The following ZFHX3 variants were observed in gnomAD, a reference collection of about 807,000 sequenced individuals.
ZFHX3 encodes the protein zinc finger homeobox 3, also known as zinc finger homeobox protein 3.
Under a neutral mutation model 279.1 loss-of-function variants are expected in ZFHX3, and 42 were observed. The ratio of observed to expected loss-of-function variants is 0.15; its 90% confidence interval spans 0.12 to 0.19. The LOEUF (loss-of-function observed/expected upper bound fraction) is 0.19. Ranked by LOEUF, ZFHX3 falls within the 10% of genes least tolerant of loss-of-function variation. ZFHX3 has a pLI of 1.00. For synonymous variants in ZFHX3, 2,293 were observed against 1,957.8 expected (o/e 1.17, Z -4.52); for missense variants, 4,981 against 4,754.0 (o/e 1.05, Z -1.40).
intron 5 of ZFHX3, among the ~76,000 whole-genome samples, chr16:73,219,120 G>A (rs1420788621): frequency 1.3e-5 from 2 of 152,182 alleles, no homozygotes; most frequent in Non-Finnish European, 2.9e-5. Flanking sequence ...GCATGTATCA[G>A]AACTTCATAT....
At chr16:73,729,967 T>C (rs1405251007) in intron 1 of ZFHX3, among the ~76,000 whole-genome samples, 1 of 152,162 alleles carries the variant, frequency 6.6e-6, no homozygotes, top group African/African-American at 2.4e-5. Context: ...TCAAGTTTGA[T>C]CATATCAAAC....
At chr16:73,852,213 C>A (rs1357326668) in intron 1 of ZFHX3, among the ~76,000 whole-genome samples, 1 of 152,172 alleles carries the variant, frequency 6.6e-6, no homozygotes, top group East Asian at 1.9e-4. Flanking sequence ...CTATTGTTCA[C>A]CATGCCAGAA....
At chr16:73,619,569 C>CA (rs2052338508) in intron 2 of ZFHX3, among the ~76,000 whole-genome samples, 1 of 151,398 alleles carries the variant, frequency 6.6e-6, no homozygotes, top group Non-Finnish European at 1.5e-5. Flanking sequence ...TTTTTGAACT[C>CA]AGAGAGTCAA....
intron 5 of ZFHX3, among the ~76,000 whole-genome samples, chr16:73,160,783 T>C (rs4788707): frequency 0.13 from 19,921 of 150,404 alleles, 1,352 homozygotes; most frequent in Admixed American, 0.18. Context: ...TTTTTTTTTT[T>C]TTTTTTTTAG....
Position 72,960,014 on chromosome 16 carries a change from G to A in ZFHX3, c.132C>T (p.Gly44=), listed in dbSNP as rs201786933. The A allele has an allele frequency of 5.4e-5, 87 of 1,613,974 alleles. No individual in the cohort carries two copies. Among genetic ancestry groups the A allele is most frequent in the East Asian group, 2.2e-4 (10 of 44,858 alleles). The change falls in exon 2 of 10, where the codon GGC becomes GGT. Residue 44 remains glycine (G), a synonymous_variant. Transcript: ENST00000268489. ...DKPSSMEQST[G]ESHGPLDSLR... ...GGCTGTCCAAGGGCCCGTGGCTCTC[G>A]CCTGTGGACTGCTCCATGCTACTGG...
chr16:73,755,737 T>A (rs995372339), intron 1 of ZFHX3, among the ~76,000 whole-genome samples: 1 of 152,214 alleles, frequency 6.6e-6, no homozygotes, highest in African/African-American at 2.4e-5. Context: ...GGGGCTCAGC[T>A]GCTTATCAAA....
At position 73,512,023 on chromosome 16, in the gene ZFHX3, G is replaced by C. The variant is rs577498040; in HGVS notation, c.-1546-55765C>G. On this transcript the variant is annotated intron_variant, in intron 2 of 17. Coordinates refer to the ZFHX3 transcript ENST00000641206. ...TTTCACTGCCTGCAACCCGATACCA[G>C]GGTTAGATCTCAGGACGACTCAAGT... 7.2e-5 allele frequency among the ~76,000 whole-genome samples: 11 copies of C among 152,200 alleles called. No individual in the cohort carries two copies. The East Asian group carries it at 2.1e-3, about 29-fold the overall frequency.
At chr16:72,936,619 T>A (rs988336376) in intron 3 of ZFHX3, among the ~76,000 whole-genome samples, 2 of 152,094 alleles carry the variant, frequency 1.3e-5, no homozygotes, top group Non-Finnish European at 2.9e-5. Flanking sequence ...GCTTAGCATG[T>A]TGAATGAACA....
intron 4 of ZFHX3, among the ~76,000 whole-genome samples, chr16:72,835,567 T>C (rs569799525): frequency 2.6e-5 from 4 of 152,278 alleles, no homozygotes; most frequent in East Asian, 3.9e-4. Context: ...AAGCTTTTCC[T>C]TTCTCCATTT....
intron 2 of ZFHX3, among the ~76,000 whole-genome samples, chr16:73,494,248 C>T (rs764026151): frequency 6.6e-6 from 1 of 152,114 alleles, no homozygotes; most frequent in Non-Finnish European, 1.5e-5. Flanking sequence ...ACGGACGGAG[C>T]GGTTTGCTAG....
At chr16:73,862,691 C>T (rs1350995676) in intron 1 of ZFHX3, among the ~76,000 whole-genome samples, 3 of 152,046 alleles carry the variant, frequency 2.0e-5, no homozygotes, top group Non-Finnish European at 4.4e-5. Flanking sequence ...GTGGGAGGAT[C>T]ACTTGAGCCC....
At chr16:73,608,582 G>A (rs1340886880) in intron 2 of ZFHX3, 1 of 152,108 alleles carries the variant, frequency 6.6e-6, no homozygotes, top group African/African-American at 2.4e-5. Flanking sequence ...ATTTATTAAT[G>A]CTTTTATTCA....
chr16:73,764,590 G>T (rs1052375528), intron 1 of ZFHX3, among the ~76,000 whole-genome samples: 1 of 152,156 alleles, frequency 6.6e-6, no homozygotes, highest in Admixed American at 6.5e-5. Context: ...CAATACAAAA[G>T]GGAATGATCC....
rs1275348468 is a variant in ZFHX3, at chr16:72,788,407, G to A, written c.9869C>T (p.Ala3290Val). 1.2e-6 allele frequency: 2 copies of A among 1,614,244 alleles called. No homozygotes were observed. The highest frequency in any genetic ancestry group is 1.3e-5 in the African/African-American group (1 of 75,072). Residue 3290 changes from alanine to valine, a missense_variant, in exon 10 of 10, where the codon GCC becomes GTC. Physicochemically the swap from Ala to Val is moderately conservative, Grantham distance 64. Around this residue, in one of 7 missense-constraint regions of ZFHX3, gnomAD observed 1,034 missense variants for 786.0 expected, o/e 1.32. Coordinates refer to ENST00000268489, the MANE Select transcript of ZFHX3 (RefSeq NM_006885.4). ...GTCCGAAGTCAACGCGGCCTGCAGG[G>A]CCTGCAGCTGTGCAGGGTCTACCGC... is the stretch of plus-strand genomic sequence containing the variant. Reference protein sequence around the residue: ...EYAVDPAQLQALQAALTSDPT... With the variant: ...EYAVDPAQLQVLQAALTSDPT...
chr16:72,802,917 T>G (rs536589535), intron 7 of ZFHX3, among the ~76,000 whole-genome samples: 30 of 152,310 alleles, frequency 2.0e-4, no homozygotes, highest in African/African-American at 6.3e-4. Context: ...AAGGCAGACT[T>G]CCTTCAACAC....
At chr16:72,898,679 T>G (rs2038957370) in intron 3 of ZFHX3, among the ~76,000 whole-genome samples, 2 of 148,560 alleles carry the variant, frequency 1.3e-5, no homozygotes, top group Admixed American at 1.4e-4. Context: ...CCACTGTTTA[T>G]ACATGGGGAG....
intron 4 of ZFHX3, among the ~76,000 whole-genome samples, chr16:72,851,930 G>A (rs2037628971): frequency 6.6e-6 from 1 of 152,210 alleles, no homozygotes; most frequent in African/African-American, 2.4e-5. Flanking sequence ...TGGCGGCCAG[G>A]TGAACTAGTT....
intron 1 of ZFHX3, among the ~76,000 whole-genome samples, chr16:73,802,954 A>G (rs1185991834): frequency 6.6e-6 from 1 of 152,110 alleles, no homozygotes; most frequent in East Asian, 1.9e-4. Context: ...AGGAGCTGGG[A>G]TCACAGGCAC....
At position 73,150,760 on chromosome 16, in the gene ZFHX3, T is replaced by C. The variant is rs535501367; in HGVS notation, c.-1103-6929A>G. ...GCAAACTCCCGGATGACAGAGCCTGTATACATCTTTGTATCTCCAGCACTT... is the reference window on the plus strand; with the variant it reads ...GCAAACTCCCGGATGACAGAGCCTGCATACATCTTTGTATCTCCAGCACTT... On this transcript the variant is annotated intron_variant, in intron 5 of 17. Coordinates refer to the ZFHX3 transcript ENST00000641206. Among the ~76,000 whole-genome samples the C allele has an allele frequency of 4.6e-5, 7 of 152,358 alleles. No homozygotes were observed. The South Asian group carries it at 1.2e-3, about 27-fold the overall frequency.
Sources: gnomAD v4.1 joint callset for allele counts (sites outside exome capture counted in the v4.1 genomes callset) on GRCh38, gnomAD v4.1.1 for gene constraint, gnomAD v4.1.1 regional missense constraint, MANE v1.5 for transcripts, NCBI Gene and HGNC (gene_info 2026-07-23, HGNC 2026-07-21) for gene names.